Variants in XRN1 observed in about 807,000 individuals in gnomAD.
The protein encoded by XRN1 is 5'-3' exoribonuclease 1, also known as strand-exchange protein 1 homolog.
A neutral mutation model predicts 222.3 loss-of-function variants in XRN1; 67 were observed. The observed-to-expected ratio is 0.30, with a 90% CI of 0.25 to 0.37. The LOEUF is 0.37. Among genes scored for constraint, XRN1 ranks in the 10% least tolerant of loss-of-function variants. The probability of loss-of-function intolerance (pLI) is 1.00; values close to 1 mark genes in which losing one functional copy is unlikely to be tolerated. For synonymous variants in XRN1, 643 were observed against 652.4 expected (o/e 0.99, Z 0.22); for missense variants, 1,707 against 2,000.2 (o/e 0.85, Z 2.80).
intron 32 of XRN1, 123 bp downstream of exon 32, chr3:142,355,278 A>G: frequency 2.0e-6 from 1 of 498,894 alleles, no homozygotes; most frequent in Non-Finnish European, 3.3e-6. Context: ...AAAATTCATG[A>G]TCAAAATTGT....
At chr3:142,369,087 A>T (rs2066905044) in intron 27 of XRN1, among the ~76,000 whole-genome samples, 1 of 152,218 alleles carries the variant, frequency 6.6e-6, no homozygotes, top group Admixed American at 6.5e-5. Context: ...ACAGCTCCAG[A>T]GCCCAGTTCT....
chr3:142,425,662 A>C, intron 3 of XRN1, 124 bp from the exon 4 acceptor site: 12 of 716,104 alleles, frequency 1.7e-5, no homozygotes, highest in Non-Finnish European at 2.5e-5. Flanking sequence ...ATCTCCAAAG[A>C]AGGTCAAAAG....
intron 1 of XRN1, among the ~76,000 whole-genome samples, chr3:142,440,607 A>G (rs1559888527): frequency 6.6e-6 from 1 of 152,090 alleles, no homozygotes; most frequent in Non-Finnish European, 1.5e-5. Context: ...AAAACCATGC[A>G]ATAGCTCCTG....
At chr3:142,369,261 T>C (rs1425750433) in intron 27 of XRN1, among the ~76,000 whole-genome samples, 1 of 152,132 alleles carries the variant, frequency 6.6e-6, no homozygotes, top group Non-Finnish European at 1.5e-5. Flanking sequence ...ACTATAAAAG[T>C]CTACTCCTTA....
At chr3:142,441,300 T>C (rs192983158) in intron 1 of XRN1, among the ~76,000 whole-genome samples, 7 of 152,242 alleles carry the variant, frequency 4.6e-5, no homozygotes, top group African/African-American at 1.7e-4. Flanking sequence ...ATACACTAAT[T>C]AAGGAAACTC....
intron 31 of XRN1, 45 bp downstream of exon 31, chr3:142,356,867 A>G: frequency 6.4e-7 from 1 of 1,563,974 alleles, no homozygotes; most frequent in Non-Finnish European, 8.8e-7. Context: ...GTGATTTGTG[A>G]TTTGTAAAAG....
chr3:142,345,933 G>A (rs2066132637), intron 33 of XRN1, among the ~76,000 whole-genome samples: 2 of 152,140 alleles, frequency 1.3e-5, no homozygotes, highest in African/African-American at 2.4e-5. Flanking sequence ...CACATCCCTG[G>A]TGCAAAGGTA....
At chr3:142,337,491 G>A (rs985816409) in intron 33 of XRN1, among the ~76,000 whole-genome samples, 7 of 152,008 alleles carry the variant, frequency 4.6e-5, no homozygotes, top group African/African-American at 1.5e-4. Context: ...ATAAATAAAC[G>A]AATAACAAAT....
intron 36 of XRN1, among the ~76,000 whole-genome samples, chr3:142,329,927 C>T (rs2107910979): frequency 6.6e-6 from 1 of 152,242 alleles, no homozygotes; most frequent in Admixed American, 6.5e-5. Flanking sequence ...CCACCAACTG[C>T]ATTAAAAAGA....
chr3:142,335,255 C>T (rs2065821139), intron 34 of XRN1, among the ~76,000 whole-genome samples, 193 bp downstream of exon 34: 1 of 152,106 alleles, frequency 6.6e-6, no homozygotes, highest in African/African-American at 2.4e-5. Context: ...ATTTCAGGTG[C>T]CTCTAGTTCC....
intron 1 of XRN1, among the ~76,000 whole-genome samples, chr3:142,446,744 A>G (rs1465738033): frequency 6.6e-6 from 1 of 152,152 alleles, no homozygotes; most frequent in Non-Finnish European, 1.5e-5. Context: ...GGGGAAAAAA[A>G]TACCTCTCTA....
chr3:142,377,594 C>A (rs959912616), intron 23 of XRN1, among the ~76,000 whole-genome samples: 1 of 152,130 alleles, frequency 6.6e-6, no homozygotes, highest in Non-Finnish European at 1.5e-5. Context: ...ACATAACTGT[C>A]CTGCCCAAAT....
intron 15 of XRN1, among the ~76,000 whole-genome samples, chr3:142,405,895 G>A (rs983013054): frequency 6.6e-6 from 1 of 152,040 alleles, no homozygotes; most frequent in Admixed American, 6.6e-5. Context: ...GTGTGATAAA[G>A]TTTTATTTAA....
At chr3:142,417,305 T>A (rs993981031) in intron 12 of XRN1, 76 bp from the exon 13 acceptor site, 1 of 1,103,600 alleles carries the variant, frequency 9.1e-7, no homozygotes, top group African/African-American at 1.6e-5. Flanking sequence ...TATCTGCTGA[T>A]ACAACATTTT....
At chr3:142,363,637 CTTTGTAAAGTTTACTCTAG>C (rs2066723721) in intron 29 of XRN1, among the ~76,000 whole-genome samples, 2 of 151,668 alleles carry the variant, frequency 1.3e-5, no homozygotes, top group South Asian at 4.2e-4. Flanking sequence ...TTTACTCTAG[CTTTGTAAAGTTTACTCTAG>C]CTTTGTAAAG....
chr3:142,345,168 T>C (rs1483464478), intron 33 of XRN1, among the ~76,000 whole-genome samples: 2 of 152,132 alleles, frequency 1.3e-5, no homozygotes, highest in Non-Finnish European at 2.9e-5. Flanking sequence ...ACTCCTGGGT[T>C]CAAGCAATCC....
intron 37 of XRN1, among the ~76,000 whole-genome samples, chr3:142,328,703 TTATATATATA>T (rs67278209): frequency 4.0e-4 from 19 of 47,148 alleles, no homozygotes; most frequent in Admixed American, 7.3e-4. Context: ...ACTTGTAATA[TTATATATATA>T]TATATATATA....
chr3:142,328,199 G>A (rs10935460), intron 37 of XRN1, among the ~76,000 whole-genome samples: 57,549 of 151,840 alleles, frequency 0.38, 10,947 homozygotes, highest in Middle Eastern at 0.47. Flanking sequence ...TGTGACTGCT[G>A]GAACTAATTC....
rs530886874 is a variant in XRN1, at chr3:142,381,836, G to C, written c.2616+1464C>G. ...CTATCTTGGCCTCCCAAAGTGCTGG[G>C]ATTACAGGAGTGAGCCACCATACCC... is the stretch of plus-strand genomic sequence containing the variant. On this transcript the variant is annotated intron_variant, in intron 22 of 40. Coordinates refer to ENST00000392981, the MANE Select transcript of XRN1 (RefSeq NM_001282857.2). 3.6e-4 allele frequency among the ~76,000 whole-genome samples: 54 copies of C among 152,056 alleles called. 1 individual carries two copies. The highest frequency in any genetic ancestry group is 1.0e-3 in the African/African-American group (43 of 41,484).
Sources: gnomAD v4.1 joint callset for allele counts (sites outside exome capture counted in the v4.1 genomes callset) on GRCh38, gnomAD v4.1.1 for gene constraint, MANE v1.5 for transcripts, NCBI Gene and HGNC (gene_info 2026-07-23, HGNC 2026-07-21) for gene names.